Variants in SEPTIN8 observed in about 807,000 individuals in gnomAD.
SEPTIN8 encodes septin-8.
Under a neutral mutation model 53.1 loss-of-function variants are expected in SEPTIN8, and 22 were observed. That is an observed-to-expected ratio of 0.41 (90% CI 0.30 to 0.59). The LOEUF (loss-of-function observed/expected upper bound fraction) is 0.59. Among genes scored for constraint, SEPTIN8 ranks in the 20% least tolerant of loss-of-function variants. The probability of loss-of-function intolerance (pLI) is 0.24; values close to 1 mark genes in which losing one functional copy is unlikely to be tolerated. For synonymous variants in SEPTIN8, 228 were observed against 248.4 expected (o/e 0.92, Z 0.77); for missense variants, 536 against 638.7 (o/e 0.84, Z 1.73).
chr5:132,770,179 A>G (rs1209700331), intron 1 of SEPTIN8, among the ~76,000 whole-genome samples: 4 of 138,478 alleles, frequency 2.9e-5, no homozygotes. Context: ...ATATATGTAT[A>G]TATATGTATG....
chr5:132,757,103 G>GACTT (rs1195977923), intron 9 of SEPTIN8: 27 of 985,066 alleles, frequency 2.7e-5, no homozygotes, highest in Non-Finnish European at 2.9e-5. Context: ...ACCAGATACG[G>GACTT]ACTTATTGTG....
intron 1 of SEPTIN8, among the ~76,000 whole-genome samples, chr5:132,770,065 A>G (rs11741449): frequency 0.15 from 1,603 of 10,654 alleles, 28 homozygotes; most frequent in Non-Finnish European, 0.2. Flanking sequence ...GTGTGTGTGT[A>G]TATATATATA....
At chr5:132,758,109 G>A in intron 9 of SEPTIN8, 2 of 1,016,908 alleles carry the variant, frequency 2.0e-6, no homozygotes, top group Non-Finnish European at 2.4e-6. Flanking sequence ...TCTTGTTCAT[G>A]TTCCAATTCC....
Position 132,761,533 on chromosome 5 carries a change from T to C in SEPTIN8, c.887A>G (p.His296Arg). The change falls in exon 7 of 10, where the codon CAC becomes CGC. Residue 296 changes from histidine (H) to arginine (R), a missense_variant. Coordinates refer to ENST00000378719, the MANE Select transcript of SEPTIN8 (RefSeq NM_001098811.2). This position sits in a 1 kb window ranked among gnomAD's most constrained non-coding sequence, Gnocchi z 5.8. The stretch of plus-strand genomic sequence containing the variant: ...CTTGCAGCGCCGGTAGAGCTCGTAG[T>C]GCCGGCTGTGGGTCTGCTCGCGGAG... ...EDLREQTHSR[H>R]YELYRRCKLE... The C allele has an allele frequency of 9.9e-6, 16 of 1,613,892 alleles. No individual in the cohort carries two copies. The highest frequency in any genetic ancestry group is 1.4e-5 in the Non-Finnish European group (16 of 1,179,996).
rs1054329504 is a variant in SEPTIN8 at position 132,765,047 on chromosome 5, G to A, written c.151+362C>T. Among the ~76,000 whole-genome samples, 7 of 152,024 alleles carry A rather than the reference G, an allele frequency of 4.6e-5. No individual in the cohort carries two copies. The South Asian group carries it at 1.2e-3, about 27-fold the overall frequency. ...ACTTACCATAGGATATGGTGATGAG[G>A]GGCAGAGCTGTTTACCATAACGTCC... On this transcript the variant is annotated intron_variant, in intron 2 of 9. Transcript: ENST00000378719.
At chr5:132,762,666 G>A in intron 4 of SEPTIN8, 21 bp from the exon 5 acceptor site, 2 of 1,613,920 alleles carry the variant, frequency 1.2e-6, no homozygotes, top group Non-Finnish European at 1.7e-6. Context: ...CAGGGGAGGG[G>A]ACAGCAGGCT....
Position 132,757,967 on chromosome 5 carries a change from T to C in SEPTIN8, c.1286+2835A>G, listed in dbSNP as rs57619465. 2.3e-3 allele frequency: 2,314 copies of C among 986,182 alleles called. 51 individuals carry two copies. In the African/African-American group the frequency reaches 0.037, roughly 16 times the overall value. The allele number at this position is 986,182 out of a possible 1,614,324, so 61.1% of individuals were successfully genotyped here. A position where few individuals can be genotyped will look rare whatever the true frequency, so the allele number is the denominator to read the frequency against. ...GGAATATGCAGGATTTGCTTGGGAG[T>C]CTTAATTGGAGTCAAACACTTAACA... On this transcript the variant is annotated intron_variant, in intron 9 of 9. Coordinates refer to ENST00000378719, the MANE Select transcript of SEPTIN8 (RefSeq NM_001098811.2).
intron 1 of SEPTIN8, among the ~76,000 whole-genome samples, chr5:132,770,081 G>GTATA (rs1171624809): frequency 9.2e-5 from 4 of 43,492 alleles, no homozygotes; most frequent in Admixed American, 2.7e-4. Flanking sequence ...ATATATATAT[G>GTATA]TATATATGTA....
chr5:132,761,408 G>C lies in SEPTIN8; in HGVS notation c.962+50C>G. ...CTCAGGGAACAGATGCCAGGGTGGT[G>C]TGTCTGGCCACAGCTGTGAAGACAG... On this transcript the variant is annotated intron_variant, in intron 7 of 9. Transcript: ENST00000378719. This position sits in a 1 kb window ranked among gnomAD's most constrained non-coding sequence, Gnocchi z 5.8. 1.3e-6 allele frequency: 2 copies of C among 1,588,630 alleles called. No homozygotes were observed. Among genetic ancestry groups the C allele is most frequent in the Non-Finnish European group, 1.7e-6 (2 of 1,168,678 alleles).
upstream of SEPTIN8, chr5:132,777,992 C>T: frequency 4.1e-6 from 4 of 985,332 alleles, no homozygotes; most frequent in Non-Finnish European, 4.8e-6. This position sits in a 1 kb window ranked among gnomAD's most constrained non-coding sequence, Gnocchi z 4.1. Flanking sequence ...CTTAATGGTT[C>T]CACCATTGTG....
upstream of SEPTIN8, chr5:132,777,460 C>G: frequency 1.0e-6 from 1 of 987,344 alleles, no homozygotes; most frequent in Non-Finnish European, 1.2e-6. The surrounding 1 kb of genome is among the most constrained non-coding windows in gnomAD (Gnocchi z 4.1). Context: ...GTTGGGGGAC[C>G]GGGACGGCAG....
At chr5:132,766,847 G>A (rs1756653689) in intron 1 of SEPTIN8, among the ~76,000 whole-genome samples, 2 of 152,086 alleles carry the variant, frequency 1.3e-5, no homozygotes, top group Non-Finnish European at 2.9e-5. Flanking sequence ...CTGTGCCACA[G>A]CCCACTGCCT....
intron 1 of SEPTIN8, among the ~76,000 whole-genome samples, chr5:132,766,864 G>A (rs1007402483): frequency 2.0e-5 from 3 of 152,088 alleles, no homozygotes; most frequent in Non-Finnish European, 4.4e-5. Flanking sequence ...GCCTTGGCCT[G>A]AACCCCTCTG....
Position 132,764,314 on chromosome 5 carries a change from T to TG in SEPTIN8, c.256dup (p.Gln86ProfsTer4). On this transcript the variant is annotated frameshift_variant, in exon 3 of 10. Transcript: ENST00000378719. LOFTEE classifies it high-confidence loss of function. ...GTTGCTCTCCTGGAGGTCATAGGTC[T>TG]GGGGCCGCAGGCGCACGCATGCCTC... The TG allele has an allele frequency of 6.2e-7, 1 of 1,614,170 alleles. No individual in the cohort carries two copies. The highest frequency in any genetic ancestry group is 8.5e-7 in the Non-Finnish European group (1 of 1,180,018).
At chr5:132,759,294 C>T (rs1755656395) in intron 9 of SEPTIN8, among the ~76,000 whole-genome samples, 1 of 152,116 alleles carries the variant, frequency 6.6e-6, no homozygotes, top group Admixed American at 6.5e-5. Context: ...ACAGGAAAGA[C>T]CTGTTTTCCA....
Position 132,776,982 on chromosome 5 carries a change from C to G in SEPTIN8, c.30+126G>C, listed in dbSNP as rs1757863668. 1.9e-6 allele frequency: 1 copy of G among 515,912 alleles called. No homozygotes were observed. The highest frequency in any genetic ancestry group is 6.4e-5 in the East Asian group (1 of 15,662). The allele number at this position is 515,912 out of a possible 1,614,324, so 32.0% of individuals were successfully genotyped here. A position where few individuals can be genotyped will look rare whatever the true frequency, so the allele number is the denominator to read the frequency against. On this transcript the variant is annotated intron_variant, in intron 1 of 9. Transcript: ENST00000378719. This position sits in a 1 kb window ranked among gnomAD's most constrained non-coding sequence, Gnocchi z 4.4. ...GAGAGCCCGCGCCGGGGTCCTCGAG[C>G]TGGCCCGGTGTCGAGGCCCGGCCGT...
chr5:132,767,962 C>CACACACACACACACACACAA lies in SEPTIN8; in HGVS notation c.31-2434_31-2433insTTGTGTGTGTGTGTGTGTGT, dbSNP rs1184523586. Among the ~76,000 whole-genome samples, 5 of 150,960 alleles carry CACACACACACACACACACAA rather than the reference C, an allele frequency of 3.3e-5. No individual in the cohort carries two copies. The East Asian group carries it at 9.7e-4, about 29-fold the overall frequency. On this transcript the variant is annotated intron_variant, in intron 1 of 9. Transcript: ENST00000378719. ...TGGAAACCACACACACACACACACA[C>CACACACACACACACACACAA]ACACACACACACACACACACACACG... is the stretch of plus-strand genomic sequence containing the variant.
rs369146366 is a variant in SEPTIN8, at chr5:132,760,762, G to A, written c.1286+40C>T. ...ACAAGAACGAAAGCAAGAGCCCACA[G>A]GAGCAAGAGGAGCCAGCGCAGGCGC... On this transcript the variant is annotated intron_variant, in intron 9 of 9. Coordinates refer to ENST00000378719, the MANE Select transcript of SEPTIN8 (RefSeq NM_001098811.2). This position sits in a 1 kb window ranked among gnomAD's most constrained non-coding sequence, Gnocchi z 5.2. 16 of 1,581,230 alleles carry A rather than the reference G, an allele frequency of 1.0e-5. No individual in the cohort carries two copies. The highest frequency in any genetic ancestry group is 1.4e-5 in the African/African-American group (1 of 73,532).
chr5:132,758,646 G>T, intron 9 of SEPTIN8: 1 of 1,592,562 alleles, frequency 6.3e-7, no homozygotes, highest in Non-Finnish European at 8.6e-7. Flanking sequence ...CAGGCCCGGG[G>T]CAGCCTGGGG....
Sources: allele counts gnomAD v4.1 joint callset (sites outside exome capture counted in the v4.1 genomes callset), GRCh38; gene constraint gnomAD v4.1.1; non-coding constraint Gnocchi (gnomAD v3.1); transcripts MANE v1.5; gene names NCBI Gene and HGNC (gene_info 2026-07-23, HGNC 2026-07-21).